The following EPHB1 variants were observed in gnomAD, a reference collection of about 807,000 sequenced individuals.
The protein encoded by EPHB1 is ephrin type-B receptor 1.
A neutral mutation model predicts 94.4 loss-of-function variants in EPHB1; 30 were observed. The ratio of observed to expected loss-of-function variants is 0.32; its 90% CI spans 0.24 to 0.43. The LOEUF (loss-of-function observed/expected upper bound fraction) is 0.43, where lower values mean the gene tolerates loss of function less well. EPHB1 is among the 20% of genes least tolerant of loss of function. EPHB1 has a pLI of 1.00. For missense variants in EPHB1, 1,055 were observed against 1,308.3 expected (o/e 0.81, Z 2.99); for synonymous variants, 522 against 489.1 (o/e 1.07, Z -0.89).
intron 15 of EPHB1, among the ~76,000 whole-genome samples, chr3:135,254,797 A>G (rs1295711565): frequency 6.6e-5 from 10 of 152,170 alleles, no homozygotes; most frequent in South Asian, 4.1e-4. Context: ...AATGGTACCA[A>G]TTCCTCCTTG....
At chr3:135,090,058 C>T (rs1477201616) in intron 3 of EPHB1, among the ~76,000 whole-genome samples, 2 of 152,222 alleles carry the variant, frequency 1.3e-5, no homozygotes, top group Non-Finnish European at 2.9e-5. Flanking sequence ...GGACATAGTG[C>T]ACTCTGGAAA....
At chr3:135,194,330 C>G (rs1559870009) in intron 11 of EPHB1, among the ~76,000 whole-genome samples, 1 of 152,120 alleles carries the variant, frequency 6.6e-6, no homozygotes. Context: ...CTATCTTATA[C>G]TTTTTTTCCC....
In EPHB1 at chr3:135,196,106, T is replaced by A. The variant is rs942294434; in HGVS notation, c.2130+3283T>A. 1.3e-4 allele frequency among the ~76,000 whole-genome samples: 20 copies of A among 150,412 alleles called. 1 individual carries two copies. Among genetic ancestry groups the A allele is most frequent in the Non-Finnish European group, 2.4e-4 (16 of 67,708 alleles). On this transcript the variant is annotated intron_variant, in intron 11 of 15. Coordinates refer to ENST00000398015, the MANE Select transcript of EPHB1 (RefSeq NM_004441.5). ...GCCAGTGATGATGAGCATTTTTTCA[T>A]GTGTTTTTTGGCTGCATAAATGTCT...
At chr3:135,048,259 C>CTTTTTTTTTTTTTTTTTTTTTTT (rs34135757) in intron 3 of EPHB1, among the ~76,000 whole-genome samples, 21 of 55,202 alleles carry the variant, frequency 3.8e-4, no homozygotes, top group South Asian at 9.2e-4. Context: ...TTTCTTTTTT[C>CTTTTTTTTTTTTTTTTTTTTTTT]TTTTTTTTTT....
chr3:135,247,319 C>T (rs1242426254), intron 13 of EPHB1, among the ~76,000 whole-genome samples: 2 of 152,168 alleles, frequency 1.3e-5, no homozygotes, highest in Admixed American at 1.3e-4. Flanking sequence ...TGAAGTTATG[C>T]AGCCAGCTCT....
intron 3 of EPHB1, among the ~76,000 whole-genome samples, chr3:135,083,739 G>A (rs912097875): frequency 5.9e-5 from 9 of 152,120 alleles, no homozygotes; most frequent in Non-Finnish European, 8.8e-5. Flanking sequence ...AGTTATGTGC[G>A]TAGTATGTAG....
At chr3:135,058,560 A>C (rs1559813470) in intron 3 of EPHB1, among the ~76,000 whole-genome samples, 2 of 152,228 alleles carry the variant, frequency 1.3e-5, no homozygotes, top group Non-Finnish European at 2.9e-5. Flanking sequence ...TACACACCTC[A>C]GTCCACAATC....
At chr3:135,195,327 CT>C (rs201256971) in intron 11 of EPHB1, among the ~76,000 whole-genome samples, 2 of 151,648 alleles carry the variant, frequency 1.3e-5, no homozygotes, top group African/African-American at 4.9e-5. Flanking sequence ...GGCCTGTTTT[CT>C]TTTTATTTAT....
intron 1 of EPHB1, among the ~76,000 whole-genome samples, chr3:134,854,824 T>A (rs575699652): frequency 1.3e-5 from 2 of 152,332 alleles, no homozygotes; most frequent in East Asian, 3.9e-4. Flanking sequence ...CTCACCTATT[T>A]TTCTTTAGAG....
At chr3:135,023,491 C>T (rs1936046137) in intron 3 of EPHB1, among the ~76,000 whole-genome samples, 1 of 152,112 alleles carries the variant, frequency 6.6e-6, no homozygotes, top group African/African-American at 2.4e-5. Context: ...TAAATATTTC[C>T]TGGGGTTGGG....
chr3:134,996,915 A>G (rs941346174), intron 3 of EPHB1, among the ~76,000 whole-genome samples: 8 of 152,066 alleles, frequency 5.3e-5, no homozygotes, highest in African/African-American at 1.7e-4. Context: ...GTTTTTTAGC[A>G]AAATTTAACA....
chr3:134,994,374 T>G (rs1396046360), intron 3 of EPHB1, among the ~76,000 whole-genome samples: 1 of 152,218 alleles, frequency 6.6e-6, no homozygotes, highest in East Asian at 1.9e-4. Context: ...CCAGCAGGCA[T>G]CTGAAGCTCT....
At chr3:134,982,186 G>A (rs982581217) in intron 3 of EPHB1, among the ~76,000 whole-genome samples, 9 of 152,026 alleles carry the variant, frequency 5.9e-5, no homozygotes, top group African/African-American at 2.2e-4. Flanking sequence ...TCTCTAAATC[G>A]TAGACCTGGA....
chr3:135,226,776 T>A (rs938075059), intron 12 of EPHB1, among the ~76,000 whole-genome samples: 10 of 152,198 alleles, frequency 6.6e-5, no homozygotes, highest in African/African-American at 1.9e-4. Context: ...CCATATTTTT[T>A]AAATGTTATT....
chr3:135,249,625 G>T (rs575185512), intron 15 of EPHB1, 134 bp downstream of exon 15: 3 of 961,164 alleles, frequency 3.1e-6, no homozygotes, highest in East Asian at 2.6e-5. Flanking sequence ...GGCCTGGATG[G>T]GGAGCACCTT....
At chr3:135,097,116 GA>G (rs1367674890) in intron 3 of EPHB1, among the ~76,000 whole-genome samples, 17 of 120,964 alleles carry the variant, frequency 1.4e-4, no homozygotes, top group Non-Finnish European at 2.1e-4. Flanking sequence ...AAAAAAAAAA[GA>G]AAAAAAATTA....
intron 9 of EPHB1, among the ~76,000 whole-genome samples, chr3:135,178,229 G>GGGGT (rs1553744909): frequency 6.7e-6 from 1 of 148,314 alleles, no homozygotes; most frequent in South Asian, 2.3e-4. Flanking sequence ...CGGGGAGGGG[G>GGGGT]GGTGGATCAT....
chr3:135,013,952 G>A (rs1001301590), intron 3 of EPHB1, among the ~76,000 whole-genome samples: 9 of 152,180 alleles, frequency 5.9e-5, no homozygotes, highest in African/African-American at 2.2e-4. Flanking sequence ...TAATGGTGGT[G>A]GTGGAAACAC....
intron 3 of EPHB1, among the ~76,000 whole-genome samples, chr3:135,044,322 C>G (rs1373285838): frequency 6.6e-6 from 1 of 152,200 alleles, no homozygotes; most frequent in African/African-American, 2.4e-5. Context: ...CCAAGCCATG[C>G]TTTCCTGGCA....
Sources: allele counts gnomAD v4.1 joint callset (sites outside exome capture counted in the v4.1 genomes callset), GRCh38; gene constraint gnomAD v4.1.1; transcripts MANE v1.5; gene names NCBI Gene and HGNC (gene_info 2026-07-23, HGNC 2026-07-21).